NWD1: variants seen among roughly 807,000 people sequenced by gnomAD.
The protein encoded by NWD1 is NACHT domain- and WD repeat-containing protein 1.
A neutral mutation model predicts 135.1 loss-of-function variants in NWD1; 129 were observed. The ratio of observed to expected loss-of-function variants is 0.96; its 90% CI spans 0.83 to 1.11. The LOEUF (loss-of-function observed/expected upper bound fraction) is 1.11, where lower values mean the gene tolerates loss of function less well. NWD1 is among the 50% of genes least tolerant of loss of function. NWD1 has a pLI of 0.00. For missense variants in NWD1, 1,740 were observed against 1,851.3 expected (o/e 0.94, Z 1.10); for synonymous variants, 773 against 786.0 (o/e 0.98, Z 0.28).
chr19:16,741,920 G>A (rs1049031417), intron 4 of NWD1, among the ~76,000 whole-genome samples: 4 of 151,744 alleles, frequency 2.6e-5, no homozygotes, highest in African/African-American at 9.7e-5. Flanking sequence ...AGACCAGTCT[G>A]GCCAACATGG....
intron 4 of NWD1, among the ~76,000 whole-genome samples, chr19:16,739,145 T>C (rs1358162706): frequency 6.7e-6 from 1 of 148,864 alleles, no homozygotes; most frequent in Non-Finnish European, 1.5e-5. Context: ...TCTCCTAAGT[T>C]TAATTTTTCA....
intron 12 of NWD1, among the ~76,000 whole-genome samples, chr19:16,782,445 GAC>G (rs1969889328): frequency 6.6e-6 from 1 of 151,866 alleles, no homozygotes; most frequent in Admixed American, 6.6e-5. Context: ...CATCCTGGGC[GAC>G]AGAGTGAGAC....
chr19:16,816,182 T>C lies in NWD1; in HGVS notation c.*1143T>C, dbSNP rs1176773785. The C allele has an allele frequency of 6.6e-6, 1 of 152,148 alleles. No individual in the cohort carries two copies. The highest frequency in any genetic ancestry group is 6.6e-5 in the Admixed American group (1 of 15,256). The allele number at this position is 152,148 out of a possible 1,614,324, so 9.4% of individuals were successfully genotyped here. A position where few individuals can be genotyped will look rare whatever the true frequency, so the allele number is the denominator to read the frequency against. On this transcript the variant is annotated 3_prime_UTR_variant, in exon 19 of 19. Coordinates refer to ENST00000524140, the MANE Select transcript of NWD1 (RefSeq NM_001007525.5). ...GACTGGACATGTGGAAGGCAGAGAT[T>C]GTGTCTAGGGTGGGTATGAGCAGCC...
intron 2 of NWD1, among the ~76,000 whole-genome samples, chr19:16,726,217 C>T (rs1005339736): frequency 6.6e-6 from 1 of 152,174 alleles, no homozygotes; most frequent in Non-Finnish European, 1.5e-5. Context: ...CCACCTCGGC[C>T]TCCCAAAGTG....
intron 15 of NWD1, among the ~76,000 whole-genome samples, chr19:16,795,337 C>G (rs1380527380): frequency 6.6e-6 from 1 of 152,164 alleles, no homozygotes; most frequent in African/African-American, 2.4e-5. Context: ...GCAGACCAGG[C>G]CATGTGTCAC....
At chr19:16,771,995 C>T (rs995772034) in intron 10 of NWD1, among the ~76,000 whole-genome samples, 1 of 151,904 alleles carries the variant, frequency 6.6e-6, no homozygotes, top group Admixed American at 6.6e-5. Context: ...TTTAATAGAA[C>T]GGTTTTAGGT....
rs756026611 is a variant in NWD1 at position 16,750,091 on chromosome 19, C to G, written c.1449C>G (p.Leu483=). 6.2e-7 allele frequency: 1 copy of G among 1,614,018 alleles called. No individual in the cohort carries two copies. Among genetic ancestry groups the G allele is most frequent in the South Asian group, 1.1e-5 (1 of 91,078 alleles). The stretch of plus-strand genomic sequence containing the variant: ...TTTTGGACACCTTGCAGCGGGTGCT[C>G]CTGGACCCGGAGGCCTACTGGGAGG... ...LGVLDTLQRV[L]LDPEAYWEVK... Residue 483 remains leucine, a synonymous_variant, in exon 6 of 19, where the codon CTC becomes CTG. Coordinates refer to ENST00000524140, the MANE Select transcript of NWD1 (RefSeq NM_001007525.5).
chr19:16,745,160 G>A (rs566623162), intron 5 of NWD1: 17 of 433,370 alleles, frequency 3.9e-5, no homozygotes, highest in African/African-American at 3.2e-4. Context: ...AAGACAGAGT[G>A]AGAGCCAAGC....
chr19:16,736,514 C>G (rs1211794659), intron 3 of NWD1, 120 bp from the exon 4 acceptor site: 2 of 667,820 alleles, frequency 3.0e-6, no homozygotes, highest in African/African-American at 3.6e-5. Context: ...CAGACATCCC[C>G]CTACAGGAAG....
intron 3 of NWD1, among the ~76,000 whole-genome samples, chr19:16,734,144 A>G (rs532658446): frequency 1.8e-4 from 27 of 152,262 alleles, no homozygotes; most frequent in African/African-American, 6.5e-4. Context: ...TGGTACGTCC[A>G]GTGCTGGCCA....
At chr19:16,750,957 C>T (rs1968553545) in intron 6 of NWD1, among the ~76,000 whole-genome samples, 1 of 152,132 alleles carries the variant, frequency 6.6e-6, no homozygotes, top group Non-Finnish European at 1.5e-5. Flanking sequence ...CGTGGTGGCT[C>T]ACACCTGTAA....
At chr19:16,761,347 T>TC (rs57510672) in intron 7 of NWD1, among the ~76,000 whole-genome samples, 6 of 148,140 alleles carry the variant, frequency 4.1e-5, no homozygotes, top group African/African-American at 1.6e-4. Context: ...GTTCCCTTTC[T>TC]TTCTCTTTCT....
intron 11 of NWD1, among the ~76,000 whole-genome samples, chr19:16,775,411 G>A (rs1782011402): frequency 6.8e-6 from 1 of 147,128 alleles, no homozygotes; most frequent in African/African-American, 2.7e-5. Flanking sequence ...AGGGTGTCTG[G>A]GACCCATACT....
chr19:16,764,876 A>G (rs908560043), intron 9 of NWD1, among the ~76,000 whole-genome samples, 158 bp from the exon 10 acceptor site: 1 of 152,100 alleles, frequency 6.6e-6, no homozygotes, highest in African/African-American at 2.4e-5. Context: ...CCCACAATGC[A>G]TAGTTCAGCC....
intron 14 of NWD1, among the ~76,000 whole-genome samples, chr19:16,793,360 A>G (rs997157532): frequency 6.6e-6 from 1 of 151,906 alleles, no homozygotes; most frequent in Non-Finnish European, 1.5e-5. Context: ...CAGCCTCCTG[A>G]GTAGCTGGGA....
At chr19:16,772,770 G>A (rs1411772442) in intron 10 of NWD1, among the ~76,000 whole-genome samples, 2 of 152,180 alleles carry the variant, frequency 1.3e-5, no homozygotes, top group African/African-American at 2.4e-5. Context: ...AGAAGTTTGA[G>A]GCTGCAGTTA....
intron 14 of NWD1, 53 bp downstream of exon 14, chr19:16,791,675 C>A: frequency 6.5e-7 from 1 of 1,530,446 alleles, no homozygotes; most frequent in Non-Finnish European, 9.0e-7. Context: ...TGAAAGTGCT[C>A]AGATGTGCTA....
intron 3 of NWD1, among the ~76,000 whole-genome samples, 189 bp downstream of exon 3, chr19:16,731,467 C>T (rs952447900): frequency 4.0e-5 from 6 of 151,566 alleles, no homozygotes; most frequent in African/African-American, 1.2e-4. Context: ...CCACCACGCC[C>T]AGCTAATTTT....
intron 10 of NWD1, among the ~76,000 whole-genome samples, chr19:16,766,335 G>A (rs1295025873): frequency 1.3e-5 from 2 of 152,112 alleles, no homozygotes. Flanking sequence ...CTGGGAGGTC[G>A]AGGCTGCAGT....
Sources: allele counts gnomAD v4.1 joint callset (sites outside exome capture counted in the v4.1 genomes callset), GRCh38; gene constraint gnomAD v4.1.1; transcripts MANE v1.5; gene names NCBI Gene and HGNC (gene_info 2026-07-23, HGNC 2026-07-21).